The following SIPA1L1 variants were observed in gnomAD, a reference collection of about 807,000 sequenced individuals.
SIPA1L1 encodes signal-induced proliferation-associated 1-like protein 1.
A neutral mutation model predicts 162.7 loss-of-function variants in SIPA1L1; 26 were observed. The ratio of observed to expected loss-of-function variants is 0.16; its 90% CI spans 0.12 to 0.22. SIPA1L1 has a LOEUF of 0.22. Ranked by LOEUF, SIPA1L1 falls within the 10% of genes least tolerant of loss-of-function variation. SIPA1L1 has a pLI of 1.00. For missense variants in SIPA1L1, 1,874 were observed against 2,241.0 expected, an observed-to-expected ratio of 0.84 and a Z score of 3.31; for synonymous variants, 829 against 837.4, an observed-to-expected ratio of 0.99 and a Z score of 0.17.
At chr14:71,551,669 T>C (rs745541002) in intron 4 of SIPA1L1, among the ~76,000 whole-genome samples, 2 of 152,222 alleles carry the variant, frequency 1.3e-5, no homozygotes, top group African/African-American at 2.4e-5. Context: ...CATGTTGCTC[T>C]TAAAGTCCAA....
chr14:71,520,605 G>A (rs757914050), intron 3 of SIPA1L1, among the ~76,000 whole-genome samples: 9 of 152,050 alleles, frequency 5.9e-5, no homozygotes, highest in Non-Finnish European at 8.8e-5. Flanking sequence ...TTCTGTAAAC[G>A]GAATTAGGTA....
chr14:71,582,490 C>G (rs185301585), intron 4 of SIPA1L1, among the ~76,000 whole-genome samples: 6 of 152,246 alleles, frequency 3.9e-5, no homozygotes, highest in Non-Finnish European at 8.8e-5. Flanking sequence ...ACCTTAGAAG[C>G]GTAACTTTCT....
At chr14:71,463,362 C>G (rs1266179661) in intron 2 of SIPA1L1, among the ~76,000 whole-genome samples, 1 of 152,144 alleles carries the variant, frequency 6.6e-6, no homozygotes, top group Non-Finnish European at 1.5e-5. Flanking sequence ...CGGGGACCCA[C>G]TGTACCCACT....
intron 2 of SIPA1L1, among the ~76,000 whole-genome samples, chr14:71,396,939 T>C (rs180973369): frequency 8.5e-5 from 13 of 152,358 alleles, no homozygotes; most frequent in Middle Eastern, 3.4e-3. Flanking sequence ...GAATATCTTA[T>C]ATTTTTTGAC....
At chr14:71,390,518 A>G (rs1427458705) in intron 2 of SIPA1L1, among the ~76,000 whole-genome samples, 1 of 152,124 alleles carries the variant, frequency 6.6e-6, no homozygotes, top group Non-Finnish European at 1.5e-5. Flanking sequence ...AACAGCATTC[A>G]TAATCCCAGC....
At chr14:71,687,328 A>G (rs1456877654) in intron 13 of SIPA1L1, among the ~76,000 whole-genome samples, 1 of 152,158 alleles carries the variant, frequency 6.6e-6, no homozygotes, top group East Asian at 1.9e-4. Context: ...TTTTTTTGAC[A>G]CATTCCAGAC....
intron 2 of SIPA1L1, among the ~76,000 whole-genome samples, chr14:71,506,986 G>A (rs1476753258): frequency 6.6e-6 from 1 of 151,956 alleles, no homozygotes; most frequent in East Asian, 1.9e-4. Context: ...TAATGCAAAA[G>A]CCATAGCAGA....
rs562701257 is a variant in SIPA1L1 at position 71,740,233 on chromosome 14, T to C, written c.*1072T>C. ...TGCTTGTTAGGAATAATGACTGTGA[T>C]ACTAGAATGGGCTTTTGAAACCTGC... is the stretch of plus-strand genomic sequence containing the variant. On this transcript the variant is annotated 3_prime_UTR_variant, in exon 24 of 24. Coordinates refer to ENST00000381232, the MANE Select transcript of SIPA1L1 (RefSeq NM_001386936.1). 8.5e-4 allele frequency: 129 copies of C among 152,362 alleles called. No individual in the cohort carries two copies. The highest frequency in any genetic ancestry group is 3.0e-3 in the African/African-American group (126 of 41,588). 9.4% of individuals were successfully genotyped at this position (152,362 alleles called of 1,614,324 possible).
intron 2 of SIPA1L1, among the ~76,000 whole-genome samples, chr14:71,403,387 C>T (rs553897120): frequency 6.6e-6 from 1 of 152,044 alleles, no homozygotes; most frequent in East Asian, 1.9e-4. Context: ...ATCATGAGGT[C>T]GGGAGTTTAA....
intron 2 of SIPA1L1, among the ~76,000 whole-genome samples, chr14:71,471,209 G>T (rs2047429912): frequency 6.6e-6 from 1 of 152,138 alleles, no homozygotes; most frequent in Non-Finnish European, 1.5e-5. Context: ...ATTGGCTCAT[G>T]CCTGTAATCC....
chr14:71,733,441 G>A (rs948679070), intron 20 of SIPA1L1, among the ~76,000 whole-genome samples: 3 of 152,206 alleles, frequency 2.0e-5, no homozygotes, highest in African/African-American at 7.2e-5. Flanking sequence ...ATGACTCACT[G>A]CTGGAAGGGA....
chr14:71,478,934 G>T (rs2048100722), intron 2 of SIPA1L1, among the ~76,000 whole-genome samples: 1 of 151,924 alleles, frequency 6.6e-6, no homozygotes, highest in Admixed American at 6.6e-5. Flanking sequence ...AATTGCCTTG[G>T]ATTGGGAAGC....
chr14:71,508,038 A>T (rs1055304723), intron 2 of SIPA1L1, among the ~76,000 whole-genome samples: 1 of 152,226 alleles, frequency 6.6e-6, no homozygotes, highest in Non-Finnish European at 1.5e-5. Flanking sequence ...GGTGAGGAAG[A>T]CAGTCTTGGG....
At chr14:71,404,448 G>A (rs1429598413) in intron 2 of SIPA1L1, among the ~76,000 whole-genome samples, 1 of 152,198 alleles carries the variant, frequency 6.6e-6, no homozygotes, top group South Asian at 2.1e-4. Context: ...GGAGGCTGAG[G>A]TAGGAGAATC....
intron 21 of SIPA1L1, 87 bp from the exon 22 acceptor site, chr14:71,735,190 C>T: frequency 1.2e-6 from 1 of 848,294 alleles, no homozygotes. Flanking sequence ...CTAGACATGA[C>T]TGCCAACTAG....
intron 17 of SIPA1L1, among the ~76,000 whole-genome samples, chr14:71,712,683 G>A (rs2082963500): frequency 6.6e-6 from 1 of 152,212 alleles, no homozygotes; most frequent in South Asian, 2.1e-4. Context: ...TCCTCAGTTA[G>A]TCCAAAATCC....
At chr14:71,431,896 A>G (rs527351730) in intron 2 of SIPA1L1, among the ~76,000 whole-genome samples, 2 of 152,256 alleles carry the variant, frequency 1.3e-5, no homozygotes, top group South Asian at 4.1e-4. Flanking sequence ...GAAGCTTTCA[A>G]AATGAAAACC....
At chr14:71,423,596 G>A (rs892845301) in intron 2 of SIPA1L1, among the ~76,000 whole-genome samples, 4 of 152,022 alleles carry the variant, frequency 2.6e-5, no homozygotes, top group South Asian at 2.1e-4. Context: ...TGGTCTTGGC[G>A]CTCTTGTCAA....
chr14:71,408,830 A>T (rs1397047453), intron 2 of SIPA1L1, among the ~76,000 whole-genome samples: 2 of 152,166 alleles, frequency 1.3e-5, no homozygotes, highest in Admixed American at 6.5e-5. Context: ...AAGAGACTGG[A>T]GTCAGACAGC....
Sources: allele counts gnomAD v4.1 joint callset (sites outside exome capture counted in the v4.1 genomes callset), GRCh38; gene constraint gnomAD v4.1.1; transcripts MANE v1.5; gene names NCBI Gene and HGNC (gene_info 2026-07-23, HGNC 2026-07-21).